DOCK3: variants seen among roughly 807,000 people sequenced by gnomAD.
DOCK3 encodes dedicator of cytokinesis 3.
In DOCK3, 60 loss-of-function variants were observed where a neutral mutation model predicts 265.6. That is an observed-to-expected ratio of 0.23 (90% CI 0.18 to 0.28). DOCK3 has a LOEUF of 0.28. Among genes scored for constraint, DOCK3 ranks in the 10% least tolerant of loss-of-function variants. DOCK3 has a pLI of 1.00. For synonymous variants in DOCK3, 881 were observed against 938.0 expected (o/e 0.94, Z 1.11); for missense variants, 1,981 against 2,594.3 (o/e 0.76, Z 5.14).
intron 12 of DOCK3, among the ~76,000 whole-genome samples, chr3:51,203,497 G>C (rs938311259): frequency 1.3e-5 from 2 of 152,170 alleles, no homozygotes; most frequent in African/African-American, 4.8e-5. Flanking sequence ...ACAAACCACT[G>C]CTCAGTGAAA....
intron 32 of DOCK3, among the ~76,000 whole-genome samples, chr3:51,317,443 G>A (rs2083429828): frequency 6.6e-6 from 1 of 151,190 alleles, no homozygotes; most frequent in African/African-American, 2.4e-5. Flanking sequence ...AGCCAGGCGT[G>A]GTGCCACGTG....
Position 51,041,176 on chromosome 3 carries a change from A to G in DOCK3, c.316-23272A>G, listed in dbSNP as rs1483558176. On this transcript the variant is annotated intron_variant, in intron 5 of 52. Transcript: ENST00000266037. The stretch of plus-strand genomic sequence containing the variant: ...CCTTACAAAATGTATATATATATAT[A>G]TATATATATATATATATATATATAT... Among the ~76,000 whole-genome samples, 34 of 10,164 alleles carry G rather than the reference A, an allele frequency of 3.3e-3. 1 individual carries two copies. The highest frequency in any genetic ancestry group is 0.016 in the South Asian group (5 of 320). The allele number at this position is 10,164 out of a possible 152,430, so 6.7% of individuals were successfully genotyped here. A position where few individuals can be genotyped will look rare whatever the true frequency, so the allele number is the denominator to read the frequency against.
chr3:51,372,854 CA>C (rs1285829769), intron 49 of DOCK3, among the ~76,000 whole-genome samples: 1 of 152,216 alleles, frequency 6.6e-6, no homozygotes, highest in Admixed American at 6.5e-5. Flanking sequence ...TTTCTCTTTA[CA>C]TAGCCATCTT....
intron 4 of DOCK3, among the ~76,000 whole-genome samples, chr3:50,916,157 C>T (rs1157333579): frequency 6.6e-6 from 1 of 152,102 alleles, no homozygotes; most frequent in African/African-American, 2.4e-5. Context: ...CTCCAGGCAG[C>T]TCCCTCAGCT....
At chr3:50,864,850 T>C (rs2047068735) in intron 3 of DOCK3, among the ~76,000 whole-genome samples, 1 of 152,120 alleles carries the variant, frequency 6.6e-6, no homozygotes, top group African/African-American at 2.4e-5. Flanking sequence ...AGCTTTGTAG[T>C]AGTATATTTT....
chr3:51,171,320 CAT>C (rs1333696606), intron 12 of DOCK3, among the ~76,000 whole-genome samples: 1 of 152,172 alleles, frequency 6.6e-6, no homozygotes, highest in African/African-American at 2.4e-5. Flanking sequence ...TTAATTTCCA[CAT>C]ATTTGTGAAA....
chr3:51,006,334 TA>T (rs745692706), intron 5 of DOCK3, among the ~76,000 whole-genome samples: 6 of 151,690 alleles, frequency 4.0e-5, no homozygotes, highest in Admixed American at 6.6e-5. Context: ...CCTTCCCCAA[TA>T]ATGTAAACTT....
chr3:51,189,745 A>G (rs2087830651), intron 12 of DOCK3, among the ~76,000 whole-genome samples: 1 of 152,140 alleles, frequency 6.6e-6, no homozygotes, highest in Non-Finnish European at 1.5e-5. Flanking sequence ...TCTTTTTGGT[A>G]TATTGACTTC....
intron 5 of DOCK3, among the ~76,000 whole-genome samples, chr3:51,016,668 GATATATATTTAT>G (rs2079290545): frequency 3.4e-5 from 1 of 29,404 alleles, no homozygotes; most frequent in Non-Finnish European, 6.4e-5. Flanking sequence ...TATATTATAT[GATATATATTTAT>G]ATATCATATA....
rs144702524 is a variant in DOCK3, at chr3:50,995,183, T to C, written c.315+61106T>C. 2.6e-4 allele frequency among the ~76,000 whole-genome samples: 39 copies of C among 152,372 alleles called. No homozygotes were observed. In the East Asian group the frequency reaches 6.9e-3, roughly 27 times the overall value. ...TTATCTTTTCAATAGAAAAATGTTC[T>C]AGTGATTACATTCATTTGGAAAAGT... On this transcript the variant is annotated intron_variant, in intron 5 of 52. Coordinates refer to ENST00000266037, the MANE Select transcript of DOCK3 (RefSeq NM_004947.5).
intron 31 of DOCK3, among the ~76,000 whole-genome samples, chr3:51,314,641 A>G (rs1458057269): frequency 6.6e-6 from 1 of 152,230 alleles, no homozygotes; most frequent in Non-Finnish European, 1.5e-5. Context: ...TGAATAGACC[A>G]TCTGACACTC....
intron 5 of DOCK3, among the ~76,000 whole-genome samples, chr3:50,951,505 A>G (rs1266433633): frequency 2.0e-5 from 3 of 152,202 alleles, no homozygotes. Flanking sequence ...GGCAATATCA[A>G]TGTAAAAATG....
chr3:51,352,911 T>A (rs1009227733), intron 40 of DOCK3, among the ~76,000 whole-genome samples: 1 of 152,210 alleles, frequency 6.6e-6, no homozygotes, highest in Non-Finnish European at 1.5e-5. Flanking sequence ...CCCAGAAGGC[T>A]AGGCTACTCT....
chr3:51,341,173 C>T, intron 37 of DOCK3, 64 bp from the exon 38 acceptor site: 1 of 1,502,214 alleles, frequency 6.7e-7, no homozygotes, highest in Non-Finnish European at 8.9e-7. Flanking sequence ...CCTCTGACAC[C>T]AGGCTGCTCC....
At chr3:51,229,936 T>C (rs993903993) in intron 19 of DOCK3, among the ~76,000 whole-genome samples, 4 of 152,208 alleles carry the variant, frequency 2.6e-5, no homozygotes, top group African/African-American at 9.7e-5. Flanking sequence ...GTTCTACTTC[T>C]ATGTGTTCAG....
chr3:50,891,513 ATAAG>A (rs1164062860), intron 4 of DOCK3, among the ~76,000 whole-genome samples: 1 of 152,132 alleles, frequency 6.6e-6, no homozygotes, highest in African/African-American at 2.4e-5. Context: ...TCTCAAGTTT[ATAAG>A]TAAGGACTAT....
At chr3:51,275,311 C>T in intron 25 of DOCK3, 105 bp downstream of exon 25, 2 of 1,528,164 alleles carry the variant, frequency 1.3e-6, no homozygotes, top group Non-Finnish European at 1.8e-6. Context: ...TTTTCAGTCA[C>T]AGATGCTTTC....
At chr3:51,341,569 G>A (rs2085245821) in intron 38 of DOCK3, among the ~76,000 whole-genome samples, 184 bp downstream of exon 38, 1 of 152,156 alleles carries the variant, frequency 6.6e-6, no homozygotes, top group Non-Finnish European at 1.5e-5. Flanking sequence ...AAAGACAACA[G>A]CCTAATTCTG....
intron 1 of DOCK3, among the ~76,000 whole-genome samples, chr3:50,778,229 T>TA (rs1387111566): frequency 6.6e-6 from 1 of 152,196 alleles, no homozygotes; most frequent in Non-Finnish European, 1.5e-5. Flanking sequence ...TGTTCATTTT[T>TA]ATCATGAGAA....
Sources: gnomAD v4.1 joint callset for allele counts (sites outside exome capture counted in the v4.1 genomes callset) on GRCh38, gnomAD v4.1.1 for gene constraint, MANE v1.5 for transcripts, NCBI Gene and HGNC (gene_info 2026-07-23, HGNC 2026-07-21) for gene names.